The following SPRTN variants were observed in gnomAD, a reference collection of about 807,000 sequenced individuals.
SPRTN encodes DNA-dependent metalloprotease SPRTN.
SPRTN carries 11 observed loss-of-function variants against 31.9 expected under a neutral mutation model. The observed-to-expected ratio is 0.34, with a 90% CI of 0.22 to 0.57. The LOEUF (loss-of-function observed/expected upper bound fraction) is 0.57. Among genes scored for constraint, SPRTN ranks in the 20% least tolerant of loss-of-function variants. SPRTN has a pLI of 0.86. For missense variants in SPRTN, 482 were observed against 590.1 expected (o/e 0.82, Z 1.90); for synonymous variants, 185 against 212.1 (o/e 0.87, Z 1.11).
At position 231,352,610 on chromosome 1, in the gene SPRTN, A is replaced by G. The variant is rs1442754701; in HGVS notation, c.719A>G (p.Asp240Gly). Reference protein sequence around the residue: ...KEPVLAAENKDKPNRGEAQLV... With the variant: ...KEPVLAAENKGKPNRGEAQLV... Reference sequence around the variant, plus strand: ...ACAATCTTCTTTGCTTTTTTGGCAGATAAACCCAACAGAGGTGAGGCCCAG... The same window carrying G: ...ACAATCTTCTTTGCTTTTTTGGCAGGTAAACCCAACAGAGGTGAGGCCCAG... The change falls in exon 5 of 5, where the codon GAT becomes GGT. Residue 240 changes from aspartate (D) to glycine (G), a missense_variant and splice_region_variant. By Grantham distance (94) the Asp-to-Gly change is moderately conservative. Transcript: ENST00000295050. 1.3e-6 allele frequency: 2 copies of G among 1,559,322 alleles called. No individual in the cohort carries two copies. The highest frequency in any genetic ancestry group is 1.7e-6 in the Non-Finnish European group (2 of 1,157,882).
Position 231,351,438 on chromosome 1 carries a change from C to A in SPRTN, c.585C>A (p.Asp195Glu), listed in dbSNP as rs1291677231. 1 of 1,614,106 alleles carries A rather than the reference C, an allele frequency of 6.2e-7. No homozygotes were observed. Among genetic ancestry groups the A allele is most frequent in the East Asian group, 2.2e-5 (1 of 44,878 alleles). ...RATNREPSAH[D>E]YWWAEHQKTC... ...CTAACAGGGAACCCTCTGCTCATGA[C>A]TATTGGTGGGCTGAGCACCAGAAAA... The change falls in exon 4 of 5, where the codon GAC (aspartate) becomes GAA (glutamate). Residue 195 changes from aspartate to glutamate, a missense_variant. Asp to Glu is a conservative substitution (Grantham distance 45). Transcript: ENST00000295050.
rs966945437 is a variant in SPRTN at position 231,353,725 on chromosome 1, T to C, written c.*364T>C. 3.5e-5 allele frequency: 34 copies of C among 983,432 alleles called. No homozygotes were observed. The African/African-American group carries it at 5.6e-4, about 16-fold the overall frequency. The allele number at this position is 983,432 out of a possible 1,614,324, so 60.9% of individuals were successfully genotyped here. On this transcript the variant is annotated 3_prime_UTR_variant, in exon 5 of 5. Coordinates refer to ENST00000295050, the MANE Select transcript of SPRTN (RefSeq NM_032018.7). The stretch of plus-strand genomic sequence containing the variant: ...GAATCCTGTCAGGTGTTTGGTTATA[T>C]TGACTATTTATTAATAGTATTAGAA...
At chr1:231,344,748 A>T (rs763782356) in intron 2 of SPRTN, 6 of 303,164 alleles carry the variant, frequency 2.0e-5, no homozygotes, top group Non-Finnish European at 2.9e-5. Flanking sequence ...ATTTTTGCTT[A>T]AAAAAATTAT....
At chr1:231,343,321 G>A (rs1329635747) in intron 2 of SPRTN, among the ~76,000 whole-genome samples, 3 of 151,736 alleles carry the variant, frequency 2.0e-5, no homozygotes, top group South Asian at 2.1e-4. Context: ...TAGCCTAGGT[G>A]TGTGTATATA....
At chr1:231,338,691 C>A in intron 1 of SPRTN, 87 bp downstream of exon 1, 1 of 1,511,708 alleles carries the variant, frequency 6.6e-7, no homozygotes, top group Non-Finnish European at 9.1e-7. Flanking sequence ...TTTCTCTAGT[C>A]CGACGGTCCC....
intron 3 of SPRTN, among the ~76,000 whole-genome samples, chr1:231,349,091 C>T (rs1208762563): frequency 1.3e-5 from 2 of 152,140 alleles, no homozygotes; most frequent in African/African-American, 4.8e-5. Flanking sequence ...CCACCTCAGC[C>T]TCCTGAGTAG....
chr1:231,343,515 T>A (rs1481675880), intron 2 of SPRTN, among the ~76,000 whole-genome samples: 1 of 152,176 alleles, frequency 6.6e-6, no homozygotes, highest in East Asian at 1.9e-4. Flanking sequence ...TTTATCTGGT[T>A]GAGGAGGTCA....
rs550457013 is a variant in SPRTN, at chr1:231,353,425, A to G, written c.*64A>G. 3 of 1,503,066 alleles carry G rather than the reference A, an allele frequency of 2.0e-6. No individual in the cohort carries two copies. Among genetic ancestry groups the G allele is most frequent in the South Asian group, 2.7e-5 (2 of 72,902 alleles). 93.1% of individuals were successfully genotyped at this position (1,503,066 alleles called of 1,614,324 possible). A position where few individuals can be genotyped will look rare whatever the true frequency, so the allele number is the denominator to read the frequency against. ...CACTAATGTGCTATGTCAGCCAGTCAGGAAGTTCTGGTTAATACTAAGATT... is the reference window on the plus strand; with the variant it reads ...CACTAATGTGCTATGTCAGCCAGTCGGGAAGTTCTGGTTAATACTAAGATT... On this transcript the variant is annotated 3_prime_UTR_variant, in exon 5 of 5. Transcript: ENST00000295050.
In SPRTN at chr1:231,349,964, T is replaced by G. The variant is rs116426388; in HGVS notation, c.451-1340T>G. 7.3e-3 allele frequency among the ~76,000 whole-genome samples: 1,108 copies of G among 152,254 alleles called. 8 individuals carry two copies. Among genetic ancestry groups the G allele is most frequent in the South Asian group, 0.011 (52 of 4,826 alleles). ...GAGGCGGAGGTTGCAGTGAGCCAGG[T>G]TCATGCCACCTCACTCCAGCCTGGG... is the stretch of plus-strand genomic sequence containing the variant. On this transcript the variant is annotated intron_variant, in intron 3 of 4. Transcript: ENST00000295050.
At position 231,353,652 on chromosome 1, in the gene SPRTN, C is replaced by T. The variant is rs890273268; in HGVS notation, c.*291C>T. 4.8e-6 allele frequency: 5 copies of T among 1,047,296 alleles called. No homozygotes were observed. In the East Asian group the frequency reaches 3.6e-4, roughly 74 times the overall value. 64.9% of individuals were successfully genotyped at this position (1,047,296 alleles called of 1,614,324 possible). A position where few individuals can be genotyped will look rare whatever the true frequency, so the allele number is the denominator to read the frequency against. ...TTCTTGCTCTTAAGGATTTTAAAAA[C>T]CTGTTAATCTTTTTATTTGTATACT... On this transcript the variant is annotated 3_prime_UTR_variant, in exon 5 of 5. Transcript: ENST00000295050.
Position 231,354,298 on chromosome 1 carries a change from A to G in SPRTN, c.*937A>G, listed in dbSNP as rs1687329537. On this transcript the variant is annotated 3_prime_UTR_variant, in exon 5 of 5. Coordinates refer to ENST00000295050, the MANE Select transcript of SPRTN (RefSeq NM_032018.7). ...TTTCCATGTTATAGGGAAAGGACAA[A>G]GAGACTTTTATCAGTTTGCTTTTTG... is the stretch of plus-strand genomic sequence containing the variant. 1 of 981,120 alleles carries G rather than the reference A, an allele frequency of 1.0e-6. No individual in the cohort carries two copies. Among genetic ancestry groups the G allele is most frequent in the African/African-American group, 1.7e-5 (1 of 57,308 alleles). The allele number at this position is 981,120 out of a possible 1,614,324, so 60.8% of individuals were successfully genotyped here. A position where few individuals can be genotyped will look rare whatever the true frequency, so the allele number is the denominator to read the frequency against.
In SPRTN at chr1:231,354,962, T is replaced by C; in HGVS notation, c.*1601T>C. The C allele has an allele frequency of 1.1e-6, 1 of 938,342 alleles. No individual in the cohort carries two copies. Among genetic ancestry groups the C allele is most frequent in the Non-Finnish European group, 1.3e-6 (1 of 787,026 alleles). The allele number at this position is 938,342 out of a possible 1,614,324, so 58.1% of individuals were successfully genotyped here. A position where few individuals can be genotyped will look rare whatever the true frequency, so the allele number is the denominator to read the frequency against. ...CTTTTCGTTTTAGACTGGTTGGCTGTTCACAAATTTTGATATTCCTTAAAG... is the reference window on the plus strand; with the variant it reads ...CTTTTCGTTTTAGACTGGTTGGCTGCTCACAAATTTTGATATTCCTTAAAG... On this transcript the variant is annotated 3_prime_UTR_variant, in exon 5 of 5. Transcript: ENST00000295050.
chr1:231,349,927 A>T (rs1237532047), intron 3 of SPRTN, among the ~76,000 whole-genome samples: 1 of 152,140 alleles, frequency 6.6e-6, no homozygotes, highest in African/African-American at 2.4e-5. Flanking sequence ...TGGAAGGATC[A>T]CTTGAGCCTG....
intron 2 of SPRTN, 103 bp from the exon 3 acceptor site, chr1:231,347,694 C>G (rs1020542917): frequency 1.4e-5 from 19 of 1,337,936 alleles, no homozygotes; most frequent in Admixed American, 2.6e-5. Flanking sequence ...CTGAAGGAAG[C>G]CTGTGATACA....
intron 3 of SPRTN, among the ~76,000 whole-genome samples, chr1:231,348,684 T>A (rs7533267): frequency 0.024 from 3,726 of 152,268 alleles, 141 homozygotes; most frequent in African/African-American, 0.082. Flanking sequence ...GCCACTGCTC[T>A]GTTTTGTGTC....
chr1:231,352,942 A>G lies in SPRTN; in HGVS notation c.1051A>G (p.Arg351Gly), dbSNP rs1687284891. Residue 351 changes from arginine (R) to glycine (G), a missense_variant, in exon 5 of 5, where the codon AGG becomes GGG. Coordinates refer to ENST00000295050, the MANE Select transcript of SPRTN (RefSeq NM_032018.7). The part of the protein sequence containing the change: ...KAFRGVNGSP[R>G]ISVTVGNIPK... ...TTTCAGAGGTGTGAATGGATCTCCAAGGATAAGTGTAACAGTTGGCAACAT... is the reference window on the plus strand; with the variant it reads ...TTTCAGAGGTGTGAATGGATCTCCAGGGATAAGTGTAACAGTTGGCAACAT... 2.5e-6 allele frequency: 4 copies of G among 1,614,052 alleles called. No individual in the cohort carries two copies. The highest frequency in any genetic ancestry group is 3.3e-5 in the Admixed American group (2 of 60,004).
intron 1 of SPRTN, 125 bp downstream of exon 1, chr1:231,338,729 T>C: frequency 2.7e-6 from 3 of 1,104,464 alleles, no homozygotes; most frequent in Non-Finnish European, 2.6e-6. Context: ...GGGAGTCTGG[T>C]TTTGGACCTG....
chr1:231,346,590 G>C (rs1312409115), intron 2 of SPRTN, among the ~76,000 whole-genome samples: 1 of 152,066 alleles, frequency 6.6e-6, no homozygotes, highest in Non-Finnish European at 1.5e-5. Flanking sequence ...CCTGTGATAA[G>C]AGTTATACAT....
chr1:231,343,302 T>C (rs1045112694), intron 2 of SPRTN, among the ~76,000 whole-genome samples: 1 of 152,084 alleles, frequency 6.6e-6, no homozygotes, highest in Admixed American at 6.6e-5. Context: ...CCTAGGTATA[T>C]ATACTCTATA....
Sources: gnomAD v4.1 joint callset for allele counts (sites outside exome capture counted in the v4.1 genomes callset) on GRCh38, gnomAD v4.1.1 for gene constraint, MANE v1.5 for transcripts, NCBI Gene and HGNC (gene_info 2026-07-23, HGNC 2026-07-21) for gene names.